Variants in PRDM6 observed in about 807,000 individuals in gnomAD.
The protein encoded by PRDM6 is putative histone-lysine N-methyltransferase PRDM6.
In PRDM6, 25 loss-of-function variants were observed where a neutral mutation model predicts 60.8. The observed-to-expected ratio is 0.41, with a 90% confidence interval of 0.30 to 0.57. The LOEUF is 0.57. Among genes scored for constraint, PRDM6 ranks in the 20% least tolerant of loss-of-function variants. The probability of loss-of-function intolerance (pLI) is 0.27; values close to 1 mark genes in which losing one functional copy is unlikely to be tolerated. For synonymous variants in PRDM6, 407 were observed against 357.4 expected (o/e 1.14, Z -1.57); for missense variants, 839 against 821.3 (o/e 1.02, Z -0.26).
At chr5:123,151,092 T>C (rs1765359716) in intron 3 of PRDM6, among the ~76,000 whole-genome samples, 1 of 152,202 alleles carries the variant, frequency 6.6e-6, no homozygotes, top group Non-Finnish European at 1.5e-5. Context: ...TCCTTCTATG[T>C]GCTGGGCCCT....
At chr5:123,166,226 A>G (rs1046595662) in intron 5 of PRDM6, among the ~76,000 whole-genome samples, 8 of 151,902 alleles carry the variant, frequency 5.3e-5, no homozygotes, top group Non-Finnish European at 8.8e-5. Flanking sequence ...TAGTGCCCTG[A>G]GCTCCTTCCT....
chr5:123,157,798 A>C (rs1765535736), intron 4 of PRDM6, among the ~76,000 whole-genome samples: 1 of 152,232 alleles, frequency 6.6e-6, no homozygotes, highest in South Asian at 2.1e-4. Flanking sequence ...TTTTCTTCAA[A>C]GCACACTTGA....
In PRDM6 at chr5:123,187,413, C is replaced by T; in HGVS notation, c.*212C>T. 1 of 388,270 alleles carries T rather than the reference C, an allele frequency of 2.6e-6. No homozygotes were observed. The highest frequency in any genetic ancestry group is 4.8e-6 in the Non-Finnish European group (1 of 207,942). The allele number at this position is 388,270 out of a possible 1,614,324, so 24.1% of individuals were successfully genotyped here. A position where few individuals can be genotyped will look rare whatever the true frequency, so the allele number is the denominator to read the frequency against. ...ATTTATTTATGACTTAGGGATGAGACTTATTTCAGTGGACAACTAACCTGG... is the reference window on the plus strand; with the variant it reads ...ATTTATTTATGACTTAGGGATGAGATTTATTTCAGTGGACAACTAACCTGG... On this transcript the variant is annotated 3_prime_UTR_variant, in exon 8 of 8. Transcript: ENST00000407847.
chr5:123,118,962 C>G (rs1433673116), intron 3 of PRDM6, among the ~76,000 whole-genome samples: 2 of 152,096 alleles, frequency 1.3e-5, no homozygotes, highest in Admixed American at 1.3e-4. Context: ...TATCTTGGCT[C>G]TTATGCATCC....
In PRDM6 at chr5:123,191,847, C is replaced by T. The variant is rs1378613475; in HGVS notation, c.*4646C>T. 6.6e-6 allele frequency: 1 copy of T among 152,162 alleles called. No individual in the cohort carries two copies. The highest frequency in any genetic ancestry group is 1.5e-5 in the Non-Finnish European group (1 of 68,036). 9.4% of individuals were successfully genotyped at this position (152,162 alleles called of 1,614,324 possible). The stretch of plus-strand genomic sequence containing the variant: ...TCAGGTACAACTGGCCAGACAGAGC[C>T]AAACTGAAAAGAATATTGCTTTATC... On this transcript the variant is annotated 3_prime_UTR_variant, in exon 8 of 8. Coordinates refer to ENST00000407847, the MANE Select transcript of PRDM6 (RefSeq NM_001136239.4).
At chr5:123,125,147 CCCCT>C (rs200887370) in intron 3 of PRDM6, among the ~76,000 whole-genome samples, 256 of 2,372 alleles carry the variant, frequency 0.11, 5 homozygotes, top group African/African-American at 0.15. Context: ...CATACCGCAC[CCCCT>C]CCCCCCCACC....
At chr5:123,118,855 C>T (rs398028) in intron 3 of PRDM6, among the ~76,000 whole-genome samples, 27,995 of 152,024 alleles carry the variant, frequency 0.18, 3,178 homozygotes, top group East Asian at 0.35. Context: ...GGTAACATCA[C>T]GCACAGGCAC....
chr5:123,176,194 T>C (rs968607493), intron 6 of PRDM6, among the ~76,000 whole-genome samples: 2 of 151,172 alleles, frequency 1.3e-5, no homozygotes, highest in Non-Finnish European at 2.9e-5. Context: ...TGCATGTGGC[T>C]TGTGGCTCCA....
At chr5:123,155,629 T>C (rs1159740410) in intron 3 of PRDM6, among the ~76,000 whole-genome samples, 2 of 152,168 alleles carry the variant, frequency 1.3e-5, no homozygotes, top group Non-Finnish European at 2.9e-5. Context: ...TTGGGAAATA[T>C]GGTCACATCC....
chr5:123,135,583 C>A (rs1764934661), intron 3 of PRDM6, among the ~76,000 whole-genome samples: 1 of 152,098 alleles, frequency 6.6e-6, no homozygotes, highest in Admixed American at 6.6e-5. Context: ...AACATTACAA[C>A]AACCACCCTC....
intron 3 of PRDM6, among the ~76,000 whole-genome samples, chr5:123,149,487 T>C (rs1765327285): frequency 6.6e-6 from 1 of 152,178 alleles, no homozygotes; most frequent in Admixed American, 6.5e-5. Context: ...GATATTGGGA[T>C]ATTGGGGTTC....
At chr5:123,179,484 C>T (rs1766093823) in intron 6 of PRDM6, among the ~76,000 whole-genome samples, 1 of 152,206 alleles carries the variant, frequency 6.6e-6, no homozygotes, top group Non-Finnish European at 1.5e-5. Context: ...CATCTGTGTT[C>T]ATCTGTGCAA....
At chr5:123,186,789 A>G (rs1383518776) in intron 7 of PRDM6, among the ~76,000 whole-genome samples, 1 of 152,178 alleles carries the variant, frequency 6.6e-6, no homozygotes, top group Non-Finnish European at 1.5e-5. Context: ...CACTCCTAAA[A>G]ATCTCTTTTT....
chr5:123,099,744 C>T lies in PRDM6; in HGVS notation c.683C>T (p.Ala228Val), dbSNP rs1764053629. 1 of 1,544,682 alleles carries T rather than the reference C, an allele frequency of 6.5e-7. No individual in the cohort carries two copies. Among genetic ancestry groups the T allele is most frequent in the Non-Finnish European group, 8.7e-7 (1 of 1,144,488 alleles). ...CGCCGGCTTGTGGGCACCAGCAGCG[C>T]TGCGGCCGCCGCGCCCCCGCCGGAG... ...SLRRLVGTSS[A>V]AAAAPPPELP... Residue 228 changes from alanine to valine, a missense_variant, in exon 3 of 8, where the codon GCT becomes GTT. Physicochemically the swap from Ala to Val is moderately conservative, Grantham distance 64. This residue lies in a region of PRDM6 where 730 missense variants were observed against 648.8 expected (regional missense o/e 1.13). Coordinates refer to ENST00000407847, the MANE Select transcript of PRDM6 (RefSeq NM_001136239.4). The surrounding 1 kb of genome is among the most constrained non-coding windows in gnomAD (Gnocchi z 4.0).
At chr5:123,132,861 AT>A (rs1764863131) in intron 3 of PRDM6, among the ~76,000 whole-genome samples, 1 of 152,008 alleles carries the variant, frequency 6.6e-6, no homozygotes, top group Non-Finnish European at 1.5e-5. Flanking sequence ...GTTTTTTCCT[AT>A]TTTGCCAGGA....
Position 123,171,070 on chromosome 5 carries a change from C to A in PRDM6, c.1458C>A (p.Ile486=). The change falls in exon 6 of 8, where the codon ATC becomes ATA. Residue 486 remains isoleucine (I), a synonymous_variant. Coordinates refer to ENST00000407847, the MANE Select transcript of PRDM6 (RefSeq NM_001136239.4). ...GQCFKTFTQR[I]LLQMHVCTQN... is the part of the protein sequence containing the mutation. ...GCTTTAAGACTTTCACCCAGCGGAT[C>A]CTCTTACAGATGCACGTGTGCACGC... 1 of 1,551,312 alleles carries A rather than the reference C, an allele frequency of 6.4e-7. No individual in the cohort carries two copies. Among genetic ancestry groups the A allele is most frequent in the Admixed American group, 2.0e-5 (1 of 50,960 alleles).
chr5:123,186,926 C>T (rs973619312), intron 7 of PRDM6, among the ~76,000 whole-genome samples, 161 bp from the exon 8 acceptor site: 2 of 152,252 alleles, frequency 1.3e-5, no homozygotes, highest in African/African-American at 2.4e-5. Context: ...TGTCCCATCA[C>T]AGGCATCCAG....
At chr5:123,106,411 C>G (rs1034831285) in intron 3 of PRDM6, among the ~76,000 whole-genome samples, 5 of 152,118 alleles carry the variant, frequency 3.3e-5, no homozygotes, top group African/African-American at 1.2e-4. Flanking sequence ...GGCCTCCTGA[C>G]TCTGAGGCTT....
At chr5:123,183,789 T>C (rs1424587704) in intron 7 of PRDM6, among the ~76,000 whole-genome samples, 1 of 152,138 alleles carries the variant, frequency 6.6e-6, no homozygotes, top group Non-Finnish European at 1.5e-5. Context: ...AATTATTCTA[T>C]GCAGCAAGGA....
Sources: allele counts gnomAD v4.1 joint callset (sites outside exome capture counted in the v4.1 genomes callset), GRCh38; gene constraint gnomAD v4.1.1; regional missense constraint gnomAD v4.1.1; non-coding constraint Gnocchi (gnomAD v3.1); transcripts MANE v1.5; gene names NCBI Gene and HGNC (gene_info 2026-07-23, HGNC 2026-07-21).